CHRNA7: variants seen among roughly 807,000 people sequenced by gnomAD.
CHRNA7 encodes the protein cholinergic receptor nicotinic alpha 7 subunit.
In CHRNA7, 17 loss-of-function variants were observed where a neutral mutation model predicts 48.0. The ratio of observed to expected loss-of-function variants is 0.35; its 90% CI spans 0.24 to 0.53. The LOEUF is 0.53. Ranked by LOEUF, CHRNA7 falls within the 20% of genes least tolerant of loss-of-function variation. The pLI is 0.92. For synonymous variants in CHRNA7, 75 were observed against 242.3 expected, an observed-to-expected ratio of 0.31 and a Z score of 6.41; for missense variants, 155 against 577.7, an observed-to-expected ratio of 0.27 and a Z score of 7.50.
At chr15:32,119,192 T>G (rs2221223) in intron 4 of CHRNA7, among the ~76,000 whole-genome samples, 18,967 of 152,136 alleles carry the variant, frequency 0.12, 1,176 homozygotes, top group Middle Eastern at 0.16. Context: ...GAAGCAAATG[T>G]GTTTTGCTGG....
rs547696839 is a variant in CHRNA7, at chr15:32,054,942, T to C, written c.195+23905T>C. ...GGCGGGGCCATAGGGCAGCGTGTTT[T>C]TAACTTTTCTGGATGATGCTAAACA... On this transcript the variant is annotated intron_variant, in intron 2 of 9. Transcript: ENST00000306901. 2.6e-5 allele frequency among the ~76,000 whole-genome samples: 4 copies of C among 152,370 alleles called. No individual in the cohort carries two copies. The South Asian group carries it at 6.2e-4, about 24-fold the overall frequency.
intron 2 of CHRNA7, among the ~76,000 whole-genome samples, chr15:32,072,230 A>G (rs892745998): frequency 3.3e-5 from 5 of 152,240 alleles, no homozygotes; most frequent in African/African-American, 1.2e-4. Context: ...CTTAAGAGTG[A>G]TAACCTAGGG....
intron 4 of CHRNA7, among the ~76,000 whole-genome samples, chr15:32,115,363 G>A (rs148621076): frequency 2.0e-5 from 3 of 152,292 alleles, no homozygotes; most frequent in East Asian, 3.9e-4. Flanking sequence ...AATGTGGGAG[G>A]AGAAGCAGGC....
intron 4 of CHRNA7, among the ~76,000 whole-genome samples, chr15:32,138,289 T>C (rs1280767525): frequency 5.9e-5 from 9 of 152,168 alleles, no homozygotes; most frequent in African/African-American, 2.2e-4. Context: ...CACAATTTTA[T>C]GCCAAAATTT....
chr15:32,085,748 C>A (rs1166818348), intron 2 of CHRNA7, among the ~76,000 whole-genome samples: 1 of 152,188 alleles, frequency 6.6e-6, no homozygotes, highest in Non-Finnish European at 1.5e-5. Context: ...ATGACATTGT[C>A]TTTGTTTATC....
intron 5 of CHRNA7, among the ~76,000 whole-genome samples, chr15:32,154,858 TCA>T (rs2051704752): frequency 2.9e-5 from 1 of 34,164 alleles, no homozygotes; most frequent in African/African-American, 1.7e-4. Context: ...CACTCACCCC[TCA>T]CACACACCAC....
At chr15:32,100,234 G>A (rs1321828568) in intron 2 of CHRNA7, 1 of 151,856 alleles carries the variant, frequency 6.6e-6, no homozygotes, top group Non-Finnish European at 1.5e-5. Context: ...ACCAGGCCAA[G>A]TAGATTCTAT....
intron 2 of CHRNA7, among the ~76,000 whole-genome samples, chr15:32,092,801 C>G (rs1190655344): frequency 6.6e-6 from 1 of 152,160 alleles, no homozygotes; most frequent in African/African-American, 2.4e-5. Flanking sequence ...TTCTATTGGC[C>G]TTTGGAACCC....
At chr15:32,044,818 T>C (rs921051754) in intron 2 of CHRNA7, among the ~76,000 whole-genome samples, 1 of 152,232 alleles carries the variant, frequency 6.6e-6, no homozygotes, top group South Asian at 2.1e-4. Context: ...CTATAGTGCA[T>C]AGGGTGACTC....
At chr15:32,071,792 C>T (rs1190977834) in intron 2 of CHRNA7, among the ~76,000 whole-genome samples, 3 of 151,418 alleles carry the variant, frequency 2.0e-5, no homozygotes, top group African/African-American at 4.9e-5. Context: ...CTATGCTTCT[C>T]GTACAGCCTG....
intron 2 of CHRNA7, among the ~76,000 whole-genome samples, chr15:32,038,900 TTC>T (rs957903090): frequency 6.6e-6 from 1 of 152,192 alleles, no homozygotes; most frequent in Admixed American, 6.5e-5. Flanking sequence ...GCCTGTTGCT[TTC>T]TGTTTTGGAA....
chr15:32,106,608 T>C (rs1225033085), intron 3 of CHRNA7, among the ~76,000 whole-genome samples: 2 of 152,176 alleles, frequency 1.3e-5, no homozygotes, highest in African/African-American at 4.8e-5. Context: ...TTGAGAGGGT[T>C]GTCAGACATA....
intron 2 of CHRNA7, among the ~76,000 whole-genome samples, chr15:32,095,630 T>C (rs2141251714): frequency 6.6e-6 from 1 of 152,198 alleles, no homozygotes; most frequent in South Asian, 2.1e-4. Flanking sequence ...CCCTATGTCC[T>C]GTAGCCTCCG....
chr15:32,051,280 C>T (rs1047486887), intron 2 of CHRNA7, among the ~76,000 whole-genome samples: 22 of 152,244 alleles, frequency 1.4e-4, no homozygotes, highest in African/African-American at 5.3e-4. Context: ...GGCAGGCCTC[C>T]TTGAGCTGTG....
chr15:32,105,415 TGGA>T (rs780703939), intron 3 of CHRNA7, among the ~76,000 whole-genome samples: 3 of 110,122 alleles, frequency 2.7e-5, no homozygotes, highest in Non-Finnish European at 5.7e-5. Flanking sequence ...TTGGAGGAGG[TGGA>T]GGAGGAGAAG....
At chr15:32,143,684 T>C (rs71476586) in intron 4 of CHRNA7, among the ~76,000 whole-genome samples, 1 of 152,230 alleles carries the variant, frequency 6.6e-6, no homozygotes, top group African/African-American at 2.4e-5. Flanking sequence ...GCCTTCTTTG[T>C]CTCTTTTTAT....
chr15:32,088,417 T>C (rs1203339558), intron 2 of CHRNA7, among the ~76,000 whole-genome samples: 2 of 152,238 alleles, frequency 1.3e-5, no homozygotes, highest in Admixed American at 1.3e-4. Flanking sequence ...TTTCTGTAGA[T>C]ATGTGTTTTT....
intron 4 of CHRNA7, among the ~76,000 whole-genome samples, chr15:32,135,742 T>C (rs533353326): frequency 6.6e-6 from 1 of 152,134 alleles, no homozygotes; most frequent in East Asian, 1.9e-4. Context: ...AGGAAAGATA[T>C]GTGATAGGAA....
At chr15:32,084,444 G>A (rs1465479490) in intron 2 of CHRNA7, among the ~76,000 whole-genome samples, 2 of 152,206 alleles carry the variant, frequency 1.3e-5, no homozygotes, top group African/African-American at 4.8e-5. Flanking sequence ...GCGGCAATGT[G>A]CATGAGCACA....
Sources: allele counts gnomAD v4.1 joint callset (sites outside exome capture counted in the v4.1 genomes callset), GRCh38; gene constraint gnomAD v4.1.1; transcripts MANE v1.5; gene names NCBI Gene and HGNC (gene_info 2026-07-23, HGNC 2026-07-21).